ECT2L: variants seen among roughly 807,000 people sequenced by gnomAD.
ECT2L encodes the protein epithelial cell transforming 2 like.
ECT2L carries 126 observed loss-of-function variants against 122.8 expected under a neutral mutation model. The ratio of observed to expected loss-of-function variants is 1.03; its 90% CI spans 0.89 to 1.19. The LOEUF (loss-of-function observed/expected upper bound fraction) is 1.19. Among genes scored for constraint, ECT2L ranks in the 50% most tolerant of loss-of-function variants. The pLI is 0.00. For synonymous variants in ECT2L, 385 were observed against 381.8 expected, an observed-to-expected ratio of 1.01 and a Z score of -0.10; for missense variants, 1,012 against 1,064.1, an observed-to-expected ratio of 0.95 and a Z score of 0.68.
chr6:138,873,478 G>C (rs1778322851), intron 13 of ECT2L, among the ~76,000 whole-genome samples: 1 of 152,198 alleles, frequency 6.6e-6, no homozygotes, highest in Non-Finnish European at 1.5e-5. Context: ...GAAAATGAAA[G>C]CTTCTCTGAG....
At position 138,844,486 on chromosome 6, in the gene ECT2L, C is replaced by A. The variant is rs781169431; in HGVS notation, c.670C>A (p.Pro224Thr). 19 of 1,614,140 alleles carry A rather than the reference C, an allele frequency of 1.2e-5. No homozygotes were observed. In the East Asian group the frequency reaches 4.2e-4, roughly 36 times the overall value. ...TAGCGTGCTAAAGCCCAGATGCCAA[C>A]CACGCCTCTCCCAGACTGTAAGGGA... ...CSSVLKPRCQ[P>T]RLSQTVRERV... Residue 224 changes from proline to threonine, a missense_variant, in exon 7 of 22, where the codon CCA (proline) becomes ACA (threonine). By Grantham distance (38) the Pro-to-Thr change is conservative (BLOSUM62 -1). Coordinates refer to ENST00000541398, the MANE Select transcript of ECT2L (RefSeq NM_001077706.3).
chr6:138,890,490 ATCTTTTTTTTT>A (rs145213489), intron 20 of ECT2L, among the ~76,000 whole-genome samples: 1 of 50,194 alleles, frequency 2.0e-5, no homozygotes, highest in Non-Finnish European at 3.4e-5. Context: ...GTTTTCTTTG[ATCTTTTTTTTT>A]TTTTTTTTTT....
At chr6:138,889,157 T>C (rs1434178351) in intron 20 of ECT2L, 126 bp downstream of exon 20, 1 of 391,646 alleles carries the variant, frequency 2.6e-6, no homozygotes, top group Non-Finnish European at 4.6e-6. Flanking sequence ...ATCTATGCAT[T>C]GGACTGAAAA....
chr6:138,846,827 G>A lies in ECT2L; in HGVS notation c.903+150G>A, dbSNP rs998216154. On this transcript the variant is annotated intron_variant, in intron 8 of 21. Coordinates refer to ENST00000541398, the MANE Select transcript of ECT2L (RefSeq NM_001077706.3). Reference sequence around the variant, plus strand: ...TAAAAGGAAAATCAAGCCAGGTGTGGTGGCACTAACTGTAGTCCCAGCTAC... The same window carrying A: ...TAAAAGGAAAATCAAGCCAGGTGTGATGGCACTAACTGTAGTCCCAGCTAC... 5.6e-5 allele frequency: 53 copies of A among 953,952 alleles called. No individual in the cohort carries two copies. The Middle Eastern group carries it at 1.2e-3, about 22-fold the overall frequency. The allele number at this position is 953,952 out of a possible 1,614,324, so 59.1% of individuals were successfully genotyped here.
Position 138,844,868 on chromosome 6 carries a change from G to A in ECT2L, c.764+288G>A, listed in dbSNP as rs545068185. 4.8e-5 allele frequency among the ~76,000 whole-genome samples: 7 copies of A among 146,986 alleles called. No individual in the cohort carries two copies. The East Asian group carries it at 9.9e-4, about 21-fold the overall frequency. On this transcript the variant is annotated intron_variant, in intron 7 of 21. Coordinates refer to ENST00000541398, the MANE Select transcript of ECT2L (RefSeq NM_001077706.3). ...TGGTGTCAAACTTGTGGGCTCAAGC[G>A]ATCCTCCCGCCATCCTCCCAAATAG...
At chr6:138,860,340 GTTAA>G (rs1777780779) in intron 10 of ECT2L, among the ~76,000 whole-genome samples, 1 of 151,468 alleles carries the variant, frequency 6.6e-6, no homozygotes, top group African/African-American at 2.4e-5. Flanking sequence ...ATGGATAGAG[GTTAA>G]TTTTTTTTTT....
In ECT2L at chr6:138,836,693, C is replaced by A. The variant is rs1417504618; in HGVS notation, c.180-1659C>A. ...TGGTGTTCTGTTGTGAGGTAGTTTT[C>A]CTTCTCCCCTATTTATTTATTCATT... On this transcript the variant is annotated intron_variant, in intron 4 of 21. Coordinates refer to ENST00000541398, the MANE Select transcript of ECT2L (RefSeq NM_001077706.3). Among the ~76,000 whole-genome samples the A allele has an allele frequency of 3.3e-5, 5 of 151,950 alleles. No homozygotes were observed. The East Asian group carries it at 7.8e-4, about 24-fold the overall frequency.
intron 18 of ECT2L, among the ~76,000 whole-genome samples, chr6:138,886,521 C>T (rs1346678899): frequency 6.6e-6 from 1 of 152,090 alleles, no homozygotes. Flanking sequence ...AATCCTCCCA[C>T]CTCAGCCTCT....
chr6:138,859,259 A>C (rs1777735634), intron 10 of ECT2L, among the ~76,000 whole-genome samples: 1 of 152,280 alleles, frequency 6.6e-6, no homozygotes, highest in Admixed American at 6.5e-5. Flanking sequence ...TACTACTGGG[A>C]ATTATTACAT....
At chr6:138,836,965 TA>T (rs1254104104) in intron 4 of ECT2L, among the ~76,000 whole-genome samples, 1 of 152,164 alleles carries the variant, frequency 6.6e-6, no homozygotes, top group Non-Finnish European at 1.5e-5. Flanking sequence ...GGTATCAGTA[TA>T]CCATTTCTCC....
intron 13 of ECT2L, among the ~76,000 whole-genome samples, chr6:138,874,270 C>CAAAG (rs1778365678): frequency 6.6e-6 from 1 of 152,046 alleles, no homozygotes; most frequent in African/African-American, 2.4e-5. Flanking sequence ...AGAGCCAAGG[C>CAAAG]AAAGACCCAC....
chr6:138,893,535 C>T (rs1294596813), intron 20 of ECT2L, among the ~76,000 whole-genome samples: 1 of 152,084 alleles, frequency 6.6e-6, no homozygotes, highest in Non-Finnish European at 1.5e-5. Context: ...ATTCTCCCGC[C>T]TCAGCCTCCT....
intron 6 of ECT2L, among the ~76,000 whole-genome samples, chr6:138,843,797 C>T (rs923818720): frequency 6.6e-6 from 1 of 152,156 alleles, no homozygotes; most frequent in Non-Finnish European, 1.5e-5. Context: ...TCAAGTGATC[C>T]TCCCACCTCA....
At position 138,865,019 on chromosome 6, in the gene ECT2L, CA is replaced by C. The variant is rs1472726414; in HGVS notation, c.1317del (p.Gln439HisfsTer26). The stretch of plus-strand genomic sequence containing the variant: ...AGTTCTTAGTGATTGGCTGGGATCC[CA>C]ATGGGGAAAGGCCCCCTCTTCCATC... ...QHILSDWLGS[Q>X]WGKAPSSIYF... On this transcript the variant is annotated frameshift_variant, in exon 12 of 22. Transcript: ENST00000541398. LOFTEE classifies it high-confidence loss of function. 7.4e-6 allele frequency: 12 copies of C among 1,613,166 alleles called. No individual in the cohort carries two copies. In the East Asian group the frequency reaches 2.7e-4, roughly 36 times the overall value.
rs150276683 is a variant in ECT2L at position 138,854,011 on chromosome 6, A to AT, written c.1070-7dup. 24 of 1,610,326 alleles carry AT rather than the reference A, an allele frequency of 1.5e-5. 1 individual carries two copies. The South Asian group carries it at 1.7e-4, about 11-fold the overall frequency. On this transcript the variant is annotated splice_polypyrimidine_tract_variant and intron_variant, in intron 9 of 21. Transcript: ENST00000541398. ...TGTTACAAGCTAATATGACATTTTG[A>AT]TTTTTTTTCCTCAGGCTATAAAATT...
At chr6:138,817,738 T>G (rs987809949) in intron 4 of ECT2L, among the ~76,000 whole-genome samples, 7 of 152,232 alleles carry the variant, frequency 4.6e-5, no homozygotes, top group Admixed American at 4.6e-4. Context: ...ATTTAAGACA[T>G]TTTTTAAAGG....
chr6:138,862,109 C>T (rs1483735302), intron 10 of ECT2L, among the ~76,000 whole-genome samples: 6 of 152,170 alleles, frequency 3.9e-5, no homozygotes, highest in Non-Finnish European at 8.8e-5. Context: ...CTGCTAGTGG[C>T]CTTTCTTGGC....
intron 5 of ECT2L, among the ~76,000 whole-genome samples, chr6:138,840,366 T>C (rs1776996118): frequency 7.0e-6 from 1 of 143,656 alleles, no homozygotes; most frequent in African/African-American, 2.4e-5. Flanking sequence ...TCAATATTGA[T>C]TTATATGTGA....
At chr6:138,867,237 T>G (rs1479500951) in intron 12 of ECT2L, among the ~76,000 whole-genome samples, 1 of 152,242 alleles carries the variant, frequency 6.6e-6, no homozygotes, top group Non-Finnish European at 1.5e-5. Context: ...ATACATTTCA[T>G]TCAATATCAG....
Sources: allele counts gnomAD v4.1 joint callset (sites outside exome capture counted in the v4.1 genomes callset), GRCh38; gene constraint gnomAD v4.1.1; transcripts MANE v1.5; gene names NCBI Gene and HGNC (gene_info 2026-07-23, HGNC 2026-07-21).